The following PCDHA7 variants were observed in gnomAD, a reference collection of about 807,000 sequenced individuals.
The protein encoded by PCDHA7 is protocadherin alpha 7.
In PCDHA7, 37 loss-of-function variants were observed where a neutral mutation model predicts 57.2. The ratio of observed to expected loss-of-function variants is 0.65; its 90% CI spans 0.50 to 0.85. PCDHA7 has a LOEUF of 0.85. Ranked by LOEUF, PCDHA7 falls within the 40% of genes least tolerant of loss-of-function variation. The pLI, the probability that PCDHA7 is intolerant of heterozygous loss-of-function variation, is 0.00. For missense variants in PCDHA7, 1,188 were observed against 1,241.8 expected (o/e 0.96, Z 0.65); for synonymous variants, 553 against 558.8 (o/e 0.99, Z 0.15).
At chr5:140,863,914 T>C (rs2048229981) in intron 1 of PCDHA7, 1 of 162,444 alleles carries the variant, frequency 6.2e-6, no homozygotes, top group Non-Finnish European at 1.4e-5. Context: ...GGCACAAGAA[T>C]TGCTTGAACC....
At chr5:140,949,932 TA>T (rs1438940739) in intron 1 of PCDHA7, among the ~76,000 whole-genome samples, 2 of 151,648 alleles carry the variant, frequency 1.3e-5, no homozygotes, top group African/African-American at 2.4e-5. Context: ...AGATTTTTTT[TA>T]ATTTGCATTT....
At chr5:140,928,977 T>C in intron 1 of PCDHA7, 1 of 1,613,888 alleles carries the variant, frequency 6.2e-7, no homozygotes, top group Non-Finnish European at 8.5e-7. Context: ...CCTTTTTATT[T>C]CTGGGGTGCT....
chr5:140,861,466 T>C (rs533343348), intron 1 of PCDHA7: 34 of 493,930 alleles, frequency 6.9e-5, no homozygotes, highest in African/African-American at 6.7e-4. Context: ...GAGGTAAATC[T>C]GCAGAATGGC....
Position 140,834,543 on chromosome 5 carries a change from C to T in PCDHA7, c.160C>T (p.Leu54=). Residue 54 remains leucine, a synonymous_variant, in exon 1 of 4, where the codon CTG becomes TTG. Transcript: ENST00000525929. ...GGGCCGCATCGCGCAGGACCTGGGGCTGGAGCTGGCGGAGCTGGTGCCGCG... is the reference window on the plus strand; with the variant it reads ...GGGCCGCATCGCGCAGGACCTGGGGTTGGAGCTGGCGGAGCTGGTGCCGCG... The part of the protein sequence containing the change: ...FVGRIAQDLG[L]ELAELVPRLF... 4 of 1,614,084 alleles carry T rather than the reference C, an allele frequency of 2.5e-6. No individual in the cohort carries two copies. The highest frequency in any genetic ancestry group is 3.4e-6 in the Non-Finnish European group (4 of 1,180,032).
rs1271413656 is a variant in PCDHA7, at chr5:140,835,237, T to C, written c.854T>C (p.Val285Ala). The change falls in exon 1 of 4, where the codon GTT becomes GCT. Residue 285 changes from valine (V) to alanine (A), a missense_variant. By Grantham distance (64) the Val-to-Ala change is moderately conservative. This residue lies in a region of PCDHA7 where 102 missense variants were observed against 267.4 expected (regional missense o/e 0.38). Transcript: ENST00000525929. ...GDIIYSFSSD[V>A]SPDIKSKFHM... is the part of the protein sequence containing the mutation. The stretch of plus-strand genomic sequence containing the variant: ...ATTATTTACTCCTTCTCCAGTGATG[T>C]TTCTCCAGATATAAAATCCAAGTTC... The C allele has an allele frequency of 6.3e-7, 1 of 1,599,540 alleles. No homozygotes were observed. Among genetic ancestry groups the C allele is most frequent in the Non-Finnish European group, 8.5e-7 (1 of 1,173,272 alleles).
intron 1 of PCDHA7, chr5:140,842,566 C>T (rs2150339391): frequency 1.0e-5 from 15 of 1,503,446 alleles, no homozygotes; most frequent in Non-Finnish European, 1.4e-5. Flanking sequence ...CCCTGGACCG[C>T]GAGAGAGTGT....
chr5:140,883,621 C>G (rs368758287), intron 1 of PCDHA7: 2 of 1,613,850 alleles, frequency 1.2e-6, no homozygotes, highest in African/African-American at 2.7e-5. Flanking sequence ...TGAACGACAA[C>G]GCGCCGGCGT....
At chr5:140,898,748 G>C (rs1397892217) in intron 1 of PCDHA7, among the ~76,000 whole-genome samples, 44 of 152,222 alleles carry the variant, frequency 2.9e-4, no homozygotes, top group Non-Finnish European at 5.0e-4. Context: ...TAGCTTGATG[G>C]GGATGGCATT....
chr5:140,943,321 G>A (rs1012061757), intron 1 of PCDHA7, among the ~76,000 whole-genome samples: 4 of 150,454 alleles, frequency 2.7e-5, no homozygotes, highest in Non-Finnish European at 5.9e-5. Context: ...TAGCAATATT[G>A]TGTAGTATCC....
In PCDHA7 at chr5:140,842,902, G is replaced by A. The variant is rs2150347537; in HGVS notation, c.2355+6164G>A. The A allele has an allele frequency of 2.1e-5, 34 of 1,594,288 alleles. 5 individuals carry two copies. Among genetic ancestry groups the A allele is most frequent in the African/African-American group, 2.7e-5 (2 of 74,330 alleles). On this transcript the variant is annotated intron_variant, in intron 1 of 3. Coordinates refer to ENST00000525929, the MANE Select transcript of PCDHA7 (RefSeq NM_018910.3). ...CGCTGCAGCCGCTGGACCACGAGGA[G>A]CTAGAGCTGCTGCAGTTCCAGGTGA...
chr5:140,877,569 C>T (rs782129855), intron 1 of PCDHA7: 1 of 1,613,806 alleles, frequency 6.2e-7, no homozygotes, highest in Admixed American at 1.7e-5. Flanking sequence ...TTAACGTGTA[C>T]CTCATCATCG....
intron 1 of PCDHA7, among the ~76,000 whole-genome samples, chr5:140,898,022 T>A (rs1235447722): frequency 6.6e-6 from 1 of 152,202 alleles, no homozygotes; most frequent in Non-Finnish European, 1.5e-5. Flanking sequence ...CTTTGCCCAC[T>A]TTTTGATGGG....
chr5:140,952,418 A>G (rs1563257684), intron 1 of PCDHA7, among the ~76,000 whole-genome samples: 1 of 152,090 alleles, frequency 6.6e-6, no homozygotes, highest in South Asian at 2.1e-4. Context: ...AATGTTCCGC[A>G]GATTCCTACA....
chr5:140,998,965 G>C (rs1320225650), intron 3 of PCDHA7, among the ~76,000 whole-genome samples: 1 of 152,232 alleles, frequency 6.6e-6, no homozygotes, highest in Non-Finnish European at 1.5e-5. Context: ...TAATCAAATA[G>C]TATCCTAGAA....
chr5:140,932,203 T>C (rs1415160763), intron 1 of PCDHA7, among the ~76,000 whole-genome samples: 1 of 151,924 alleles, frequency 6.6e-6, no homozygotes, highest in Non-Finnish European at 1.5e-5. Context: ...TCTGTTAATA[T>C]TCTTGATGGG....
chr5:140,885,207 T>C (rs1405388039), intron 1 of PCDHA7, among the ~76,000 whole-genome samples: 1 of 152,140 alleles, frequency 6.6e-6, no homozygotes, highest in Admixed American at 6.5e-5. Context: ...ATATATCCCA[T>C]GAAAAATATC....
rs2150264358 is a variant in PCDHA7 at position 140,836,572 on chromosome 5, G to A, written c.2189G>A (p.Gly730Asp). The change falls in exon 1 of 4, where the codon GGC becomes GAC. Residue 730 changes from glycine to aspartate, a missense_variant. This residue lies in a region of PCDHA7 where 892 missense variants were observed against 788.5 expected (regional missense o/e 1.13). Transcript: ENST00000525929. ...ALRCSAPSSE[G>D]ACSLVKPTLV... ...CGGTGCTCAGCGCCGTCCTCTGAGG[G>A]CGCATGTAGTTTGGTAAAGCCCACT... is the stretch of plus-strand genomic sequence containing the variant. The A allele has an allele frequency of 1.9e-6, 3 of 1,613,740 alleles. No homozygotes were observed. The highest frequency in any genetic ancestry group is 4.5e-5 in the East Asian group (2 of 44,838).
At chr5:140,933,043 TTACAG>T (rs2088815102) in intron 1 of PCDHA7, among the ~76,000 whole-genome samples, 1 of 151,992 alleles carries the variant, frequency 6.6e-6, no homozygotes, top group Admixed American at 6.5e-5. Flanking sequence ...TGAATATGGA[TTACAG>T]TCCAGGATCC....
intron 1 of PCDHA7, chr5:140,852,541 G>T: frequency 3.7e-6 from 2 of 544,548 alleles, no homozygotes; most frequent in Middle Eastern, 9.4e-4. Context: ...CTCCCAAAGT[G>T]CTGGGATTAA....
Sources: gnomAD v4.1 joint callset for allele counts (sites outside exome capture counted in the v4.1 genomes callset) on GRCh38, gnomAD v4.1.1 for gene constraint, gnomAD v4.1.1 regional missense constraint, MANE v1.5 for transcripts, NCBI Gene and HGNC (gene_info 2026-07-23, HGNC 2026-07-21) for gene names.